The following LRP6 variants were observed in gnomAD, a reference collection of about 807,000 sequenced individuals.
The protein encoded by LRP6 is LDL receptor related protein 6.
In LRP6, 43 loss-of-function variants were observed where a neutral mutation model predicts 184.1. That is an observed-to-expected ratio of 0.23 (90% CI 0.18 to 0.30). The LOEUF is 0.30. Ranked by LOEUF, LRP6 falls within the 10% of genes least tolerant of loss-of-function variation. The probability of loss-of-function intolerance (pLI) is 1.00; values close to 1 mark genes in which losing one functional copy is unlikely to be tolerated. For synonymous variants in LRP6, 719 were observed against 684.9 expected, an observed-to-expected ratio of 1.05 and a Z score of -0.78; for missense variants, 1,571 against 2,005.3, an observed-to-expected ratio of 0.78 and a Z score of 4.14.
At position 12,266,764 on chromosome 12, in the gene LRP6, C is replaced by G. The variant is rs781543898; in HGVS notation, c.-29G>C. The G allele has an allele frequency of 1.9e-6, 3 of 1,600,460 alleles. No homozygotes were observed. Among genetic ancestry groups the G allele is most frequent in the Non-Finnish European group, 2.6e-6 (3 of 1,171,906 alleles). ...CCCTTCTCGCGTTCTCTTCTCTCAC[C>G]GGCGAGGGGTGGCCAGAAGTGGGGG... On this transcript the variant is annotated 5_prime_UTR_variant, in exon 1 of 23. Transcript: ENST00000261349.
chr12:12,164,919 TAAAAAAAAAAAAAAAAAAAAA>T (rs58540250), intron 8 of LRP6, among the ~76,000 whole-genome samples, 139 bp downstream of exon 8: 24 of 57,090 alleles, frequency 4.2e-4, no homozygotes, highest in East Asian at 4.0e-3. Flanking sequence ...CCCTTCTCAG[TAAAAAAAAAAAAAAAAAAAAA>T]AAAAAAAAAA....
chr12:12,207,453 G>C (rs1193738622), intron 2 of LRP6, among the ~76,000 whole-genome samples: 1 of 152,152 alleles, frequency 6.6e-6, no homozygotes, highest in Admixed American at 6.5e-5. Flanking sequence ...GGAATCGCCT[G>C]AACCTGGGAG....
Position 12,124,622 on chromosome 12 carries a change from T to C in LRP6, c.4490A>G (p.His1497Arg). The change falls in exon 22 of 23, where the codon CAT becomes CGT. Residue 1497 changes from histidine to arginine, a missense_variant. Transcript: ENST00000261349. ...AGAATATCCAAATTCCATAGTGTAA[T>C]GTGATCGCTCTGTGGCTGGGGATGG... is the stretch of plus-strand genomic sequence containing the variant. ...PPPSPATERS[H>R]YTMEFGYSSN... is the part of the protein sequence containing the mutation. 6.2e-7 allele frequency: 1 copy of C among 1,613,904 alleles called. No individual in the cohort carries two copies.
chr12:12,235,540 GACCAACATGCAGAA>G (rs1191294907), intron 2 of LRP6, among the ~76,000 whole-genome samples: 4 of 152,012 alleles, frequency 2.6e-5, no homozygotes, highest in Admixed American at 6.6e-5. Flanking sequence ...AGACCAGCCT[GACCAACATGCAGAA>G]ACCCCGTCTC....
Position 12,187,074 on chromosome 12 carries a change from C to T in LRP6, c.693G>A (p.Thr231=), listed in dbSNP as rs746632115. 3.1e-6 allele frequency: 5 copies of T among 1,614,108 alleles called. No individual in the cohort carries two copies. The highest frequency in any genetic ancestry group is 3.3e-5 in the Admixed American group (2 of 60,004). Residue 231 remains threonine (T), a synonymous_variant, in exon 4 of 23, where the codon ACG becomes ACA. Coordinates refer to ENST00000261349, the MANE Select transcript of LRP6 (RefSeq NM_002336.3). ...KGSLPHPFAL[T]LFEDILYWTD... ...TCCAGTACAATATGTCCTCAAATAA[C>T]GTCAAGGCAAAAGGATGTGGAAGGG...
intron 10 of LRP6, among the ~76,000 whole-genome samples, chr12:12,161,772 A>G (rs991670866): frequency 6.6e-6 from 1 of 152,168 alleles, no homozygotes. Flanking sequence ...TTTTGAATTA[A>G]TAAATACTCC....
chr12:12,128,933 C>G (rs1022446691), intron 19 of LRP6, among the ~76,000 whole-genome samples: 1 of 152,190 alleles, frequency 6.6e-6, no homozygotes, highest in African/African-American at 2.4e-5. Flanking sequence ...CACTCCTCCT[C>G]CTCATGATTT....
intron 15 of LRP6, among the ~76,000 whole-genome samples, chr12:12,146,980 G>T (rs1373734865): frequency 2.0e-5 from 3 of 152,156 alleles, no homozygotes; most frequent in Non-Finnish European, 2.9e-5. Context: ...GTGAAACCCT[G>T]TCTCTACTAA....
At chr12:12,263,400 C>T (rs186759158) in intron 1 of LRP6, among the ~76,000 whole-genome samples, 170 of 151,136 alleles carry the variant, frequency 1.1e-3, no homozygotes, top group African/African-American at 3.9e-3. Context: ...ACAGTGAAAC[C>T]CCGTCTCTAC....
Position 12,244,551 on chromosome 12 carries a change from C to T in LRP6, c.160G>A (p.Ala54Thr). The T allele has an allele frequency of 6.2e-7, 1 of 1,614,228 alleles. No homozygotes were observed. The highest frequency in any genetic ancestry group is 8.5e-7 in the Non-Finnish European group (1 of 1,180,042). The change falls in exon 2 of 23, where the codon GCT (alanine) becomes ACT (threonine). Residue 54 changes from alanine (A) to threonine (T), a missense_variant. Physicochemically the swap from Ala to Thr is moderately conservative, Grantham distance 58. This residue lies in a region of LRP6 where 640 missense variants were observed against 851.9 expected (regional missense o/e 0.75). Coordinates refer to ENST00000261349, the MANE Select transcript of LRP6 (RefSeq NM_002336.3). Reference sequence around the variant, plus strand: ...TGACTAAACACAAAGTCCACCGCAGCTGCATCCTCCAAGCCTCCAACTACA... The same window carrying T: ...TGACTAAACACAAAGTCCACCGCAGTTGCATCCTCCAAGCCTCCAACTACA... ...TIVVGGLEDA[A>T]AVDFVFSHGL...
intron 15 of LRP6, 169 bp from the exon 16 acceptor site, chr12:12,138,703 C>A: frequency 7.4e-7 from 1 of 1,359,732 alleles, no homozygotes. Flanking sequence ...TAGAAAACAG[C>A]CAATAAACTA....
chr12:12,238,368 A>C (rs997319343), intron 2 of LRP6, among the ~76,000 whole-genome samples: 5 of 152,048 alleles, frequency 3.3e-5, no homozygotes, highest in Non-Finnish European at 7.4e-5. Context: ...AAGGAAAATT[A>C]AGAAAAAAAA....
At chr12:12,199,552 G>A (rs763999539) in intron 3 of LRP6, among the ~76,000 whole-genome samples, 5 of 152,160 alleles carry the variant, frequency 3.3e-5, no homozygotes, top group African/African-American at 7.2e-5. Context: ...GAGTGAGAGC[G>A]TCTCTCAGAC....
chr12:12,132,181 T>C, intron 17 of LRP6, 124 bp from the exon 18 acceptor site: 1 of 721,920 alleles, frequency 1.4e-6, no homozygotes, highest in Non-Finnish European at 2.5e-6. Flanking sequence ...ATAATAAATA[T>C]GATTTATAAC....
rs145011734 is a variant in LRP6, at chr12:12,150,625, G to A, written c.2994+211C>T. On this transcript the variant is annotated intron_variant, in intron 13 of 22. Coordinates refer to ENST00000261349, the MANE Select transcript of LRP6 (RefSeq NM_002336.3). ...ATTACCAACACAACAGCTTAAGTAC[G>A]CCTAACAATTTTCATCATAATATCA... 5.4e-4 allele frequency among the ~76,000 whole-genome samples: 82 copies of A among 152,186 alleles called. No homozygotes were observed. In the East Asian group the frequency reaches 5.6e-3, roughly 10 times the overall value.
chr12:12,164,546 A>G lies in LRP6; in HGVS notation c.1779T>C (p.Ala593=). The G allele has an allele frequency of 6.2e-7, 1 of 1,614,146 alleles. No individual in the cohort carries two copies. Among genetic ancestry groups the G allele is most frequent in the South Asian group, 1.1e-5 (1 of 91,084 alleles). Residue 593 remains alanine, a synonymous_variant, in exon 9 of 23, where the codon GCT becomes GCC. Coordinates refer to ENST00000261349, the MANE Select transcript of LRP6 (RefSeq NM_002336.3). ...GATGGCTACATCCCCCGTTTTCCTC[A>G]GCACAGGGGTTGGAACCTAAAAGAT... ...VHRVIGSNPC[A]EENGGCSHLC...
In LRP6 at chr12:12,164,508, C is replaced by G; in HGVS notation, c.1817G>C (p.Arg606Thr). 1 of 1,614,108 alleles carries G rather than the reference C, an allele frequency of 6.2e-7. No individual in the cohort carries two copies. Among genetic ancestry groups the G allele is most frequent in the Middle Eastern group, 1.6e-4 (1 of 6,062 alleles). ...GCAAGCACAGCGAAGGCCCTGAGGT[C>G]TATAGAGGCAGAGATGGCTACATCC... ...NGGCSHLCLY[R>T]PQGLRCACPI... The change falls in exon 9 of 23, where the codon AGA becomes ACA. Residue 606 changes from arginine (R) to threonine (T), a missense_variant. Physicochemically the swap from Arg to Thr is moderately conservative, Grantham distance 71. Around this residue, in one of 4 missense-constraint regions of LRP6, gnomAD observed 640 missense variants for 851.9 expected, o/e 0.75. Coordinates refer to ENST00000261349, the MANE Select transcript of LRP6 (RefSeq NM_002336.3).
intron 12 of LRP6, among the ~76,000 whole-genome samples, chr12:12,151,418 T>C (rs1342777191): frequency 1.3e-5 from 2 of 149,396 alleles, no homozygotes; most frequent in Admixed American, 6.7e-5. Context: ...TGGGCTTTTA[T>C]AAATTAAAGC....
chr12:12,166,594 A>G (rs552727782), intron 7 of LRP6, among the ~76,000 whole-genome samples: 1 of 152,302 alleles, frequency 6.6e-6, no homozygotes, highest in South Asian at 2.1e-4. Context: ...TGATCTTTAC[A>G]TTCAAATGTT....
Sources: gnomAD v4.1 joint callset for allele counts (sites outside exome capture counted in the v4.1 genomes callset) on GRCh38, gnomAD v4.1.1 for gene constraint, gnomAD v4.1.1 regional missense constraint, MANE v1.5 for transcripts, NCBI Gene and HGNC (gene_info 2026-07-23, HGNC 2026-07-21) for gene names.